EGFLAM: variants seen among roughly 807,000 people sequenced by gnomAD.
The protein encoded by EGFLAM is EGF like, fibronectin type III and laminin G domains.
In EGFLAM, 79 loss-of-function variants were observed where a neutral mutation model predicts 113.1. The ratio of observed to expected loss-of-function variants is 0.70; its 90% confidence interval spans 0.58 to 0.84. The LOEUF is 0.84. EGFLAM is among the 40% of genes least tolerant of loss of function. The probability of loss-of-function intolerance (pLI) is 0.00; values close to 1 mark genes in which losing one functional copy is unlikely to be tolerated. For missense variants in EGFLAM, 1,265 were observed against 1,291.6 expected, an observed-to-expected ratio of 0.98 and a Z score of 0.32; for synonymous variants, 504 against 487.6, an observed-to-expected ratio of 1.03 and a Z score of -0.44.
chr5:38,405,535 A>G (rs1741257540), intron 6 of EGFLAM, among the ~76,000 whole-genome samples: 1 of 152,126 alleles, frequency 6.6e-6, no homozygotes, highest in South Asian at 2.1e-4. Flanking sequence ...CCCCTACTAT[A>G]TGGTACTCCA....
intron 18 of EGFLAM, among the ~76,000 whole-genome samples, chr5:38,448,877 G>T (rs1742813013): frequency 6.6e-6 from 1 of 152,172 alleles, no homozygotes; most frequent in African/African-American, 2.4e-5. Flanking sequence ...CATCAGCAAA[G>T]GTCTCTTGTC....
chr5:38,415,927 C>G (rs968986123), intron 11 of EGFLAM, among the ~76,000 whole-genome samples: 13 of 152,066 alleles, frequency 8.5e-5, no homozygotes, highest in African/African-American at 2.4e-4. Flanking sequence ...ACCACGAGAA[C>G]AGCATGGGGG....
intron 6 of EGFLAM, among the ~76,000 whole-genome samples, chr5:38,398,161 A>G (rs1443354044): frequency 7.9e-5 from 12 of 152,328 alleles, no homozygotes; most frequent in Non-Finnish European, 4.4e-5. Context: ...GATCCTGGAA[A>G]GGTGTGGCTC....
At chr5:38,271,783 A>G (rs1235010820) in intron 1 of EGFLAM, among the ~76,000 whole-genome samples, 1 of 152,094 alleles carries the variant, frequency 6.6e-6, no homozygotes, top group Admixed American at 6.5e-5. Flanking sequence ...CTTCTGTTAG[A>G]TTTGTAACTT....
Position 38,328,710 on chromosome 5 carries a change from A to G in EGFLAM, c.98-8810A>G, listed in dbSNP as rs554692161. On this transcript the variant is annotated intron_variant, in intron 1 of 21. Coordinates refer to ENST00000322350, the MANE Select transcript of EGFLAM (RefSeq NM_152403.4). ...TTTGAATATTTCCCCATGTGTGTTT[A>G]CTAGCTATACTTGTTTTTTTTTTTT... Among the ~76,000 whole-genome samples the G allele has an allele frequency of 7.5e-4, 96 of 127,174 alleles. 1 individual carries two copies. Among genetic ancestry groups the G allele is most frequent in the South Asian group, 3.3e-3 (13 of 3,982 alleles). The allele number at this position is 127,174 out of a possible 152,430, so 83.4% of individuals were successfully genotyped here.
At chr5:38,411,587 A>C (rs1741482245) in intron 10 of EGFLAM, among the ~76,000 whole-genome samples, 1 of 140,600 alleles carries the variant, frequency 7.1e-6, no homozygotes, top group African/African-American at 2.7e-5. Flanking sequence ...GGTTCAAGTG[A>C]TTCTCCTGCC....
intron 1 of EGFLAM, among the ~76,000 whole-genome samples, chr5:38,275,904 T>C (rs996927571): frequency 6.6e-6 from 1 of 152,074 alleles, no homozygotes; most frequent in African/African-American, 2.4e-5. Flanking sequence ...TAGACATAAA[T>C]AACAGGAGGA....
intron 17 of EGFLAM, among the ~76,000 whole-genome samples, chr5:38,443,697 T>A (rs539626757): frequency 6.6e-6 from 1 of 152,030 alleles, no homozygotes; most frequent in African/African-American, 2.4e-5. Flanking sequence ...AAGTTAGCCT[T>A]CCATGCCCAC....
chr5:38,304,276 A>C (rs1437916761), intron 1 of EGFLAM, among the ~76,000 whole-genome samples: 2 of 152,158 alleles, frequency 1.3e-5, no homozygotes, highest in African/African-American at 4.8e-5. Flanking sequence ...AGAGAAGATA[A>C]AGAAGACTGA....
At chr5:38,438,226 C>T (rs1237858376) in intron 16 of EGFLAM, 49 bp from the exon 17 acceptor site, 2 of 1,580,274 alleles carry the variant, frequency 1.3e-6, no homozygotes, top group African/African-American at 2.7e-5. Flanking sequence ...TAGAAGACTA[C>T]AAAGATGTTT....
intron 19 of EGFLAM, among the ~76,000 whole-genome samples, chr5:38,456,101 G>A (rs146217133): frequency 6.6e-6 from 1 of 152,186 alleles, no homozygotes; most frequent in East Asian, 1.9e-4. Flanking sequence ...TGTCAACCCC[G>A]TATCCAAGCT....
chr5:38,387,077 G>A (rs915073593), intron 6 of EGFLAM, among the ~76,000 whole-genome samples: 2 of 152,184 alleles, frequency 1.3e-5, no homozygotes, highest in African/African-American at 2.4e-5. Context: ...AGGGGCAGGC[G>A]ATGAGAAACA....
At chr5:38,438,554 G>A in intron 17 of EGFLAM, 99 bp downstream of exon 17, 1 of 1,200,486 alleles carries the variant, frequency 8.3e-7, no homozygotes, top group Non-Finnish European at 1.1e-6. Flanking sequence ...TTGTAACAGT[G>A]GTACAACCAT....
chr5:38,289,768 G>C (rs1758266610), intron 1 of EGFLAM, among the ~76,000 whole-genome samples: 1 of 152,182 alleles, frequency 6.6e-6, no homozygotes, highest in Non-Finnish European at 1.5e-5. Context: ...ATACAAGGAA[G>C]GCCAGGGTCC....
chr5:38,293,131 A>C (rs1447794275), intron 1 of EGFLAM, among the ~76,000 whole-genome samples: 1 of 152,162 alleles, frequency 6.6e-6, no homozygotes, highest in Non-Finnish European at 1.5e-5. Flanking sequence ...TTTACTTTTA[A>C]CCTTTTAATT....
intron 6 of EGFLAM, among the ~76,000 whole-genome samples, chr5:38,381,854 G>A (rs1371298861): frequency 2.0e-5 from 3 of 152,110 alleles, no homozygotes; most frequent in East Asian, 1.9e-4. Flanking sequence ...AAAGGTAATC[G>A]CCAAACTGGG....
In EGFLAM at chr5:38,390,168, C is replaced by T. The variant is rs141785571; in HGVS notation, c.713-15958C>T. Among the ~76,000 whole-genome samples, 256 of 152,184 alleles carry T rather than the reference C, an allele frequency of 1.7e-3. 2 individuals are homozygous for T. Among genetic ancestry groups the T allele is most frequent in the African/African-American group, 5.6e-3 (234 of 41,526 alleles). On this transcript the variant is annotated intron_variant, in intron 6 of 21. Coordinates refer to ENST00000322350, the MANE Select transcript of EGFLAM (RefSeq NM_152403.4). ...GTTCTTGAATCTGGTATTTATGATT[C>T]CCCCCATCACTTTTAATTCTTGTAC...
At chr5:38,451,913 AC>A (rs1301346996) in intron 19 of EGFLAM, among the ~76,000 whole-genome samples, 1 of 143,002 alleles carries the variant, frequency 7.0e-6, no homozygotes, top group Non-Finnish European at 1.5e-5. Context: ...AATGGCTTGA[AC>A]CCATGAGGCA....
At chr5:38,455,351 G>T (rs995113892) in intron 19 of EGFLAM, among the ~76,000 whole-genome samples, 1 of 152,184 alleles carries the variant, frequency 6.6e-6, no homozygotes, top group Non-Finnish European at 1.5e-5. Flanking sequence ...TTCCCAAGAC[G>T]TGGGTAGAGA....
Sources: gnomAD v4.1 joint callset for allele counts (sites outside exome capture counted in the v4.1 genomes callset) on GRCh38, gnomAD v4.1.1 for gene constraint, MANE v1.5 for transcripts, NCBI Gene and HGNC (gene_info 2026-07-23, HGNC 2026-07-21) for gene names.